Variants in GABRB2 observed in about 807,000 individuals in gnomAD.
GABRB2 encodes the protein gamma-aminobutyric acid receptor subunit beta-2.
A neutral mutation model predicts 54.7 loss-of-function variants in GABRB2; 16 were observed. That is an observed-to-expected ratio of 0.29 (90% CI 0.20 to 0.44). The LOEUF (loss-of-function observed/expected upper bound fraction) is 0.44. GABRB2 is among the 20% of genes least tolerant of loss of function. The probability of loss-of-function intolerance (pLI) is 1.00; values close to 1 mark genes in which losing one functional copy is unlikely to be tolerated. For synonymous variants in GABRB2, 244 were observed against 233.8 expected (o/e 1.04, Z -0.40); for missense variants, 355 against 644.0 (o/e 0.55, Z 4.86).
At chr5:161,436,067 C>T (rs1304441088) in intron 4 of GABRB2, among the ~76,000 whole-genome samples, 1 of 152,156 alleles carries the variant, frequency 6.6e-6, no homozygotes, top group Non-Finnish European at 1.5e-5. Context: ...AGACTTGGAT[C>T]AAATATTTAG....
At chr5:161,517,733 A>C (rs1759990021) in intron 3 of GABRB2, among the ~76,000 whole-genome samples, 1 of 152,220 alleles carries the variant, frequency 6.6e-6, no homozygotes, top group African/African-American at 2.4e-5. Context: ...TTAAAGGGCC[A>C]AATCTAATCA....
At chr5:161,414,460 TAA>T (rs1756606256) in intron 4 of GABRB2, among the ~76,000 whole-genome samples, 2 of 152,144 alleles carry the variant, frequency 1.3e-5, no homozygotes, top group African/African-American at 4.8e-5. Flanking sequence ...TTTATATACA[TAA>T]AGACATGTGG....
intron 9 of GABRB2, among the ~76,000 whole-genome samples, chr5:161,297,853 G>A (rs148331507): frequency 0.017 from 2,537 of 152,204 alleles, 35 homozygotes; most frequent in Non-Finnish European, 0.024. Context: ...TTTAGGAATC[G>A]CCACACTGTC....
chr5:161,495,141 A>T (rs1438021720), intron 3 of GABRB2, among the ~76,000 whole-genome samples: 2 of 151,974 alleles, frequency 1.3e-5, no homozygotes, highest in Non-Finnish European at 2.9e-5. Context: ...TATTTTGAAC[A>T]CTTAAAAGTT....
rs913660665 is a variant in GABRB2, at chr5:161,544,592, T to C, written c.237+635A>G. 2.0e-5 allele frequency among the ~76,000 whole-genome samples: 3 copies of C among 152,150 alleles called. 1 individual carries two copies. Among genetic ancestry groups the C allele is most frequent in the Admixed American group, 2.0e-4 (3 of 15,272 alleles). On this transcript the variant is annotated intron_variant, in intron 3 of 9. Coordinates refer to ENST00000393959, the MANE Select transcript of GABRB2 (RefSeq NM_001371727.1). ...ACTGCTGTCAATTAACTGTACAAGC[T>C]TAGGACATGTGGTGAATGAATTGCT...
chr5:161,470,437 TAAC>T (rs1392481693), intron 3 of GABRB2, among the ~76,000 whole-genome samples: 4 of 151,882 alleles, frequency 2.6e-5, no homozygotes, highest in Admixed American at 1.3e-4. Context: ...AGTAAGGAAT[TAAC>T]AACAACAATA....
intron 4 of GABRB2, among the ~76,000 whole-genome samples, chr5:161,434,712 A>G (rs1434044838): frequency 6.6e-5 from 10 of 152,126 alleles, no homozygotes; most frequent in Admixed American, 6.6e-5. Context: ...CAAACAGATT[A>G]TTTAGAAATG....
chr5:161,309,347 T>C (rs921617269), intron 9 of GABRB2, among the ~76,000 whole-genome samples: 4 of 152,054 alleles, frequency 2.6e-5, no homozygotes, highest in Admixed American at 1.3e-4. Context: ...TATTAAAAAG[T>C]CAAAAAACAA....
At position 161,293,845 on chromosome 5, in the gene GABRB2, G is replaced by T; in HGVS notation, c.*236C>A. ...CAACATGGAGCACTCAGGCTGTCTA[G>T]CCACCATGTGTAAAAATCACTTGCG... On this transcript the variant is annotated 3_prime_UTR_variant, in exon 10 of 10. Coordinates refer to ENST00000393959, the MANE Select transcript of GABRB2 (RefSeq NM_001371727.1). 1.9e-6 allele frequency: 1 copy of T among 514,274 alleles called. No individual in the cohort carries two copies. Among genetic ancestry groups the T allele is most frequent in the South Asian group, 2.6e-5 (1 of 39,048 alleles). The allele number at this position is 514,274 out of a possible 1,614,324, so 31.9% of individuals were successfully genotyped here. A position where few individuals can be genotyped will look rare whatever the true frequency, so the allele number is the denominator to read the frequency against.
rs1249699920 is a variant in GABRB2, at chr5:161,289,236, T to C, written c.*4845A>G. On this transcript the variant is annotated 3_prime_UTR_variant, in exon 10 of 10. Transcript: ENST00000393959. ...AGTAGCTTTTTAAGAGTGCTGCTTT[T>C]TTTTTTTTTTTTTGTACAGATTTCT... The C allele has an allele frequency of 6.8e-6, 1 of 147,192 alleles. No individual in the cohort carries two copies. The highest frequency in any genetic ancestry group is 1.5e-5 in the Non-Finnish European group (1 of 67,202). 9.1% of individuals were successfully genotyped at this position (147,192 alleles called of 1,614,324 possible). A position where few individuals can be genotyped will look rare whatever the true frequency, so the allele number is the denominator to read the frequency against.
chr5:161,404,110 A>C (rs1756280908), intron 5 of GABRB2, among the ~76,000 whole-genome samples: 1 of 152,152 alleles, frequency 6.6e-6, no homozygotes, highest in African/African-American at 2.4e-5. Flanking sequence ...CAAGGTCAGA[A>C]ATATCCACAG....
At chr5:161,491,325 T>C in intron 3 of GABRB2, among the ~76,000 whole-genome samples, 1 of 151,690 alleles carries the variant, frequency 6.6e-6, no homozygotes, top group South Asian at 2.1e-4. Context: ...CAATGGCTCA[T>C]GACTTAATGG....
chr5:161,300,402 G>C (rs188859036), intron 9 of GABRB2, among the ~76,000 whole-genome samples: 122 of 152,188 alleles, frequency 8.0e-4, no homozygotes, highest in African/African-American at 2.7e-3. Flanking sequence ...AGCAGAACAG[G>C]ATACATTCCC....
chr5:161,418,699 G>A (rs2113138263), intron 4 of GABRB2, among the ~76,000 whole-genome samples: 1 of 152,134 alleles, frequency 6.6e-6, no homozygotes, highest in Non-Finnish European at 1.5e-5. Context: ...ATCAACAACA[G>A]ACAACCTATA....
chr5:161,336,115 C>T (rs1330672070), intron 6 of GABRB2, among the ~76,000 whole-genome samples: 4 of 152,114 alleles, frequency 2.6e-5, no homozygotes, highest in African/African-American at 9.7e-5. Flanking sequence ...GCAAAGGCCT[C>T]GGGATAATCT....
At chr5:161,444,920 TGACA>T (rs928975446) in intron 4 of GABRB2, among the ~76,000 whole-genome samples, 2 of 152,158 alleles carry the variant, frequency 1.3e-5, no homozygotes, top group Admixed American at 6.6e-5. Flanking sequence ...TTGCATTCAT[TGACA>T]GACAGAGTAA....
Position 161,293,531 on chromosome 5 carries a change from C to A in GABRB2, c.*550G>T, listed in dbSNP as rs1030100845. 1 of 153,544 alleles carries A rather than the reference C, an allele frequency of 6.5e-6. No homozygotes were observed. Among genetic ancestry groups the A allele is most frequent in the African/African-American group, 2.4e-5 (1 of 41,448 alleles). The allele number at this position is 153,544 out of a possible 1,614,324, so 9.5% of individuals were successfully genotyped here. On this transcript the variant is annotated 3_prime_UTR_variant, in exon 10 of 10. Coordinates refer to ENST00000393959, the MANE Select transcript of GABRB2 (RefSeq NM_001371727.1). ...GGTTTCCTGAGTCTCTGTCTTGATT[C>A]CCCTAGCCTGCTCAAATCACAAGAG...
intron 4 of GABRB2, among the ~76,000 whole-genome samples, chr5:161,434,647 C>T (rs1386557939): frequency 6.6e-6 from 1 of 152,152 alleles, no homozygotes; most frequent in Non-Finnish European, 1.5e-5. Context: ...TTTAAGTTGT[C>T]CCCTATGTCT....
chr5:161,429,365 GA>G (rs1197009162), intron 4 of GABRB2, among the ~76,000 whole-genome samples: 15 of 54,714 alleles, frequency 2.7e-4, no homozygotes, highest in East Asian at 5.7e-4. Context: ...AAAAGAAAAA[GA>G]AAAAAAAAGA....
Sources: allele counts gnomAD v4.1 joint callset (sites outside exome capture counted in the v4.1 genomes callset), GRCh38; gene constraint gnomAD v4.1.1; transcripts MANE v1.5; gene names NCBI Gene and HGNC (gene_info 2026-07-23, HGNC 2026-07-21).